The following LMX1A variants were observed in gnomAD, a reference collection of about 807,000 sequenced individuals.
The protein encoded by LMX1A is LIM homeobox transcription factor 1 alpha, also known as LIM homeobox transcription factor 1-alpha.
LMX1A carries 15 observed loss-of-function variants against 49.1 expected under a neutral mutation model. The ratio of observed to expected loss-of-function variants is 0.31; its 90% CI spans 0.20 to 0.47. The LOEUF (loss-of-function observed/expected upper bound fraction) is 0.47. LMX1A is among the 20% of genes least tolerant of loss of function. The probability of loss-of-function intolerance (pLI) is 1.00; values close to 1 mark genes in which losing one functional copy is unlikely to be tolerated. For synonymous variants in LMX1A, 167 were observed against 185.7 expected, an observed-to-expected ratio of 0.90 and a Z score of 0.82; for missense variants, 372 against 475.8, an observed-to-expected ratio of 0.78 and a Z score of 2.03.
At position 165,249,629 on chromosome 1, in the gene LMX1A, A is replaced by G. The variant is rs771376447; in HGVS notation, c.275T>C (p.Val92Ala). The stretch of plus-strand genomic sequence containing the variant: ...GGCCTCGAAGCAGCCCCCACATTTA[A>G]CAGCAAACAGCCTGGCAGCAGGGAG... ...CKYDYEKLFA[V>A]KCGGCFEAIA... is the part of the protein sequence containing the mutation. The change falls in exon 4 of 9, where the codon GTT becomes GCT. Residue 92 changes from valine to alanine, a missense_variant. Around this residue, in one of 3 missense-constraint regions of LMX1A, gnomAD observed 199 missense variants for 244.0 expected, o/e 0.82. Coordinates refer to ENST00000342310, the MANE Select transcript of LMX1A (RefSeq NM_177398.4). The G allele has an allele frequency of 6.2e-7, 1 of 1,613,764 alleles. No individual in the cohort carries two copies. Among genetic ancestry groups the G allele is most frequent in the Non-Finnish European group, 8.5e-7 (1 of 1,179,818 alleles).
At position 165,249,597 on chromosome 1, in the gene LMX1A, G is replaced by A. The variant is rs944148434; in HGVS notation, c.307C>T (p.Pro103Ser). The change falls in exon 4 of 9, where the codon CCC becomes TCC. Residue 103 changes from proline to serine, a missense_variant. Pro to Ser is a moderately conservative substitution (Grantham distance 74). This residue lies in a region of LMX1A where 199 missense variants were observed against 244.0 expected (regional missense o/e 0.82). Transcript: ENST00000342310. ...KCGGCFEAIA[P>S]NEFVMRAQKS... ...TGGGCCCGCATAACAAACTCATTGG[G>A]AGCGATGGCCTCGAAGCAGCCCCCA... 1 of 1,614,178 alleles carries A rather than the reference G, an allele frequency of 6.2e-7. No homozygotes were observed. The highest frequency in any genetic ancestry group is 8.5e-7 in the Non-Finnish European group (1 of 1,180,036).
chr1:165,270,450 T>G (rs1653761344), intron 3 of LMX1A, among the ~76,000 whole-genome samples: 1 of 152,156 alleles, frequency 6.6e-6, no homozygotes, highest in African/African-American at 2.4e-5. Flanking sequence ...AATGGGAGCC[T>G]TAAACATTAA....
chr1:165,254,508 C>T (rs1461460509), intron 3 of LMX1A, among the ~76,000 whole-genome samples: 3 of 152,148 alleles, frequency 2.0e-5, no homozygotes, highest in Admixed American at 6.5e-5. Flanking sequence ...TCTTCACTAA[C>T]CCCAGAGTAA....
intron 3 of LMX1A, among the ~76,000 whole-genome samples, chr1:165,326,947 A>G (rs573478404): frequency 3.5e-4 from 53 of 152,312 alleles, no homozygotes; most frequent in African/African-American, 1.2e-3. Flanking sequence ...ACCCCCAGAC[A>G]CACACACAGA....
At chr1:165,253,901 C>G (rs1388872242) in intron 3 of LMX1A, among the ~76,000 whole-genome samples, 2 of 152,104 alleles carry the variant, frequency 1.3e-5, no homozygotes, top group Non-Finnish European at 2.9e-5. Context: ...AGTCCTTTGA[C>G]TATTTGCCTT....
chr1:165,226,630 C>A (rs999492474), intron 4 of LMX1A, among the ~76,000 whole-genome samples: 17 of 152,176 alleles, frequency 1.1e-4, no homozygotes, highest in African/African-American at 3.9e-4. Context: ...GCTATGACAG[C>A]AGCTGGTAAA....
chr1:165,325,479 GTATACA>G (rs778715780), intron 3 of LMX1A, among the ~76,000 whole-genome samples: 286 of 59,420 alleles, frequency 4.8e-3, no homozygotes, highest in Non-Finnish European at 8.7e-3. Flanking sequence ...GTGTGTGTGT[GTATACA>G]TTCTTTCCAA....
At chr1:165,287,613 C>T (rs1477670146) in intron 3 of LMX1A, among the ~76,000 whole-genome samples, 1 of 152,128 alleles carries the variant, frequency 6.6e-6, no homozygotes, top group Non-Finnish European at 1.5e-5. Context: ...TCACTCAACT[C>T]CCAGGCAACA....
intron 3 of LMX1A, among the ~76,000 whole-genome samples, chr1:165,260,017 C>T (rs539945516): frequency 1.3e-5 from 2 of 152,248 alleles, no homozygotes; most frequent in East Asian, 1.9e-4. Context: ...GGTGGCACAA[C>T]TTATAGACTT....
At chr1:165,274,523 T>G (rs1653906180) in intron 3 of LMX1A, among the ~76,000 whole-genome samples, 2 of 152,208 alleles carry the variant, frequency 1.3e-5, no homozygotes, top group Non-Finnish European at 2.9e-5. Flanking sequence ...TTGCTGATTC[T>G]GAGAGCTAAG....
chr1:165,226,747 A>T (rs1652050092), intron 4 of LMX1A, among the ~76,000 whole-genome samples: 1 of 152,240 alleles, frequency 6.6e-6, no homozygotes, highest in Non-Finnish European at 1.5e-5. Flanking sequence ...AGTTGTACAT[A>T]GACCAAACTT....
chr1:165,341,848 G>A (rs1656085628), intron 3 of LMX1A, among the ~76,000 whole-genome samples: 6 of 152,074 alleles, frequency 3.9e-5, no homozygotes, highest in Admixed American at 3.9e-4. Flanking sequence ...AATTTAATAC[G>A]AATGTTTGAT....
chr1:165,265,887 A>G (rs1653604868), intron 3 of LMX1A, among the ~76,000 whole-genome samples: 1 of 152,206 alleles, frequency 6.6e-6, no homozygotes, highest in Non-Finnish European at 1.5e-5. Flanking sequence ...ACTGGGAGAA[A>G]TATGACTTTC....
chr1:165,353,002 G>A, intron 3 of LMX1A, 74 bp downstream of exon 3: 2 of 1,481,054 alleles, frequency 1.4e-6, no homozygotes, highest in Non-Finnish European at 1.9e-6. Flanking sequence ...AAGGACTAGG[G>A]TAAAGGAGGA....
chr1:165,223,142 C>T (rs146504594), intron 4 of LMX1A, among the ~76,000 whole-genome samples: 1 of 152,244 alleles, frequency 6.6e-6, no homozygotes, highest in East Asian at 1.9e-4. Context: ...GGCCTAACTT[C>T]TCTAAGCCCT....
At position 165,204,631 on chromosome 1, in the gene LMX1A, G is replaced by A. The variant is rs538129655; in HGVS notation, c.989-591C>T. On this transcript the variant is annotated intron_variant, in intron 8 of 8. Coordinates refer to ENST00000342310, the MANE Select transcript of LMX1A (RefSeq NM_177398.4). ...GAAATCACTGCAACCAGGATCTGGA[G>A]GCAAAGAATGTTCTGCCTCTGCTTC... Among the ~76,000 whole-genome samples the A allele has an allele frequency of 2.0e-5, 3 of 152,316 alleles. No individual in the cohort carries two copies. The South Asian group carries it at 6.2e-4, about 32-fold the overall frequency.
chr1:165,261,452 G>C (rs945649458), intron 3 of LMX1A, among the ~76,000 whole-genome samples: 1 of 152,128 alleles, frequency 6.6e-6, no homozygotes, highest in African/African-American at 2.4e-5. Flanking sequence ...ATGTAAAATG[G>C]TGCAATGCTG....
At chr1:165,207,709 G>A (rs1438094346) in intron 7 of LMX1A, 1 of 267,064 alleles carries the variant, frequency 3.7e-6, no homozygotes, top group East Asian at 6.7e-5. Flanking sequence ...TCACCGAGGT[G>A]TCTTCTATTA....
rs539632151 is a variant in LMX1A, at chr1:165,340,092, A to G, written c.263+12984T>C. On this transcript the variant is annotated intron_variant, in intron 3 of 8. Coordinates refer to ENST00000342310, the MANE Select transcript of LMX1A (RefSeq NM_177398.4). ...TATAAAATGCTGTCCTGTACCCTCT[A>G]TGCCTCTAGCAAACCTAGTTTGTTT... 7.9e-5 allele frequency among the ~76,000 whole-genome samples: 12 copies of G among 152,010 alleles called. No individual in the cohort carries two copies. The South Asian group carries it at 2.5e-3, about 32-fold the overall frequency.
Sources: allele counts gnomAD v4.1 joint callset (sites outside exome capture counted in the v4.1 genomes callset), GRCh38; gene constraint gnomAD v4.1.1; regional missense constraint gnomAD v4.1.1; transcripts MANE v1.5; gene names NCBI Gene and HGNC (gene_info 2026-07-23, HGNC 2026-07-21).